The following ARHGEF11 variants were observed in gnomAD, a reference collection of about 807,000 sequenced individuals.
ARHGEF11 encodes the protein Rho guanine exchange factor (GEF) 11.
ARHGEF11 carries 55 observed loss-of-function variants against 193.7 expected under a neutral mutation model. The observed-to-expected ratio is 0.28, with a 90% CI of 0.23 to 0.36. The LOEUF (loss-of-function observed/expected upper bound fraction) is 0.36. ARHGEF11 is among the 10% of genes least tolerant of loss of function. The pLI is 1.00. For synonymous variants in ARHGEF11, 693 were observed against 768.0 expected (o/e 0.90, Z 1.62); for missense variants, 1,723 against 2,005.6 (o/e 0.86, Z 2.69).
At chr1:156,971,551 G>T in intron 8 of ARHGEF11, 146 bp downstream of exon 8, 1 of 1,102,988 alleles carries the variant, frequency 9.1e-7, no homozygotes, top group Non-Finnish European at 1.2e-6. Context: ...GCTGACCTTG[G>T]TTTCTTTGTA....
chr1:157,024,952 C>T (rs1019900053), intron 1 of ARHGEF11, among the ~76,000 whole-genome samples: 13 of 152,304 alleles, frequency 8.5e-5, no homozygotes, highest in Admixed American at 2.6e-4. Flanking sequence ...TATGTCACTC[C>T]TCTGGCACCT....
chr1:157,013,762 T>C (rs556160364), intron 1 of ARHGEF11, among the ~76,000 whole-genome samples: 1 of 152,320 alleles, frequency 6.6e-6, no homozygotes, highest in South Asian at 2.1e-4. Context: ...TTTCCTCTCA[T>C]ACATTTGGTC....
intron 1 of ARHGEF11, among the ~76,000 whole-genome samples, chr1:157,023,982 T>C (rs1670326362): frequency 6.6e-6 from 1 of 152,134 alleles, no homozygotes; most frequent in Non-Finnish European, 1.5e-5. Flanking sequence ...ATAAAACTTA[T>C]ACACAAATGT....
chr1:157,005,695 T>C lies in ARHGEF11; in HGVS notation c.33-19522A>G, dbSNP rs1667739134. ...ATTCTTGTACTGCTACTTAGTCTCTTACAACAAAATCAAAGTGAAAAAGTC... is the reference window on the plus strand; with the variant it reads ...ATTCTTGTACTGCTACTTAGTCTCTCACAACAAAATCAAAGTGAAAAAGTC... On this transcript the variant is annotated intron_variant, in intron 1 of 40. Coordinates refer to ENST00000368194, the MANE Select transcript of ARHGEF11 (RefSeq NM_198236.3). Among the ~76,000 whole-genome samples, 4 of 152,230 alleles carry C rather than the reference T, an allele frequency of 2.6e-5. No individual in the cohort carries two copies. The South Asian group carries it at 8.3e-4, about 31-fold the overall frequency.
chr1:157,034,057 G>A (rs759651429), intron 1 of ARHGEF11, among the ~76,000 whole-genome samples: 22 of 152,162 alleles, frequency 1.4e-4, no homozygotes, highest in Non-Finnish European at 2.6e-4. Flanking sequence ...TCTTATTTGA[G>A]GGATGGCATG....
chr1:156,998,623 T>C (rs1264819114), intron 1 of ARHGEF11, among the ~76,000 whole-genome samples: 1 of 152,238 alleles, frequency 6.6e-6, no homozygotes, highest in Non-Finnish European at 1.5e-5. Flanking sequence ...AAATGGGTGC[T>C]ATTCTTTGCT....
chr1:156,979,950 G>C (rs962981244), intron 4 of ARHGEF11, among the ~76,000 whole-genome samples: 3 of 152,178 alleles, frequency 2.0e-5, no homozygotes, highest in African/African-American at 7.2e-5. Context: ...AGAAGTCTCT[G>C]CATCTAGGAT....
At chr1:157,017,391 C>A (rs541619623) in intron 1 of ARHGEF11, among the ~76,000 whole-genome samples, 2 of 152,058 alleles carry the variant, frequency 1.3e-5, no homozygotes, top group African/African-American at 2.4e-5. Flanking sequence ...ACAGTGGGTA[C>A]TAAATGTTCA....
At chr1:157,045,986 TCCCTG>T (rs1673288483), upstream of ARHGEF11, among the ~76,000 whole-genome samples, 1 of 150,402 alleles carries the variant, frequency 6.6e-6, no homozygotes, top group East Asian at 2.0e-4. Flanking sequence ...TGACCGCCTT[TCCCTG>T]CCTCGGTTCC....
chr1:157,008,010 T>C (rs1557944403), intron 1 of ARHGEF11, among the ~76,000 whole-genome samples: 1 of 151,628 alleles, frequency 6.6e-6, no homozygotes. Context: ...AAAATGCTTA[T>C]TAAATAAAAG....
intron 40 of ARHGEF11, among the ~76,000 whole-genome samples, chr1:156,936,449 T>C (rs1009123982): frequency 8.3e-6 from 1 of 120,944 alleles, no homozygotes; most frequent in Non-Finnish European, 1.6e-5. Context: ...CTGGGCAACA[T>C]AGCCAGGCCA....
chr1:156,959,932 T>C (rs60018636), intron 15 of ARHGEF11, among the ~76,000 whole-genome samples: 9,594 of 70,346 alleles, frequency 0.14, 788 homozygotes, highest in African/African-American at 0.31. Context: ...TAACCCCCCC[T>C]CCCCCCCCCC....
At chr1:156,966,417 T>C (rs899510042) in intron 11 of ARHGEF11, among the ~76,000 whole-genome samples, 11 of 152,236 alleles carry the variant, frequency 7.2e-5, no homozygotes, top group Non-Finnish European at 1.3e-4. Context: ...ATGAATTCTG[T>C]TATTTTCTTT....
Position 156,959,122 on chromosome 1 carries a change from C to T in ARHGEF11, c.1303G>A (p.Glu435Lys), listed in dbSNP as rs578149847. 7 of 1,614,156 alleles carry T rather than the reference C, an allele frequency of 4.3e-6. No individual in the cohort carries two copies. Among genetic ancestry groups the T allele is most frequent in the East Asian group, 4.5e-5 (2 of 44,872 alleles). ...AEIDSRLRNS[E>K]DARGVLCEAQ... ...TCACAGAGAACACCACGGGCATCTT[C>T]GCTGTTCCGCAGGCGCGAGTCTGTA... Residue 435 changes from glutamate to lysine, a missense_variant, in exon 16 of 41, where the codon GAA becomes AAA. By Grantham distance (56) the Glu-to-Lys change is moderately conservative (BLOSUM62 1). Around this residue, in one of 5 missense-constraint regions of ARHGEF11, gnomAD observed 646 missense variants for 710.7 expected, o/e 0.91. Coordinates refer to ENST00000368194, the MANE Select transcript of ARHGEF11 (RefSeq NM_198236.3).
At chr1:156,936,389 T>C in intron 40 of ARHGEF11, 1 of 407,168 alleles carries the variant, frequency 2.5e-6, no homozygotes, top group Non-Finnish European at 4.8e-6. Flanking sequence ...CCCAGCTGCT[T>C]TGGAGGCTGA....
chr1:157,015,768 C>A (rs1257319196), intron 1 of ARHGEF11, among the ~76,000 whole-genome samples: 1 of 152,224 alleles, frequency 6.6e-6, no homozygotes. Flanking sequence ...GATGGAAGGT[C>A]AGCCATGGGA....
At chr1:157,032,764 C>T (rs765699571) in intron 1 of ARHGEF11, among the ~76,000 whole-genome samples, 1 of 152,168 alleles carries the variant, frequency 6.6e-6, no homozygotes, top group East Asian at 1.9e-4. Flanking sequence ...CCAGAAACCA[C>T]GCACGGAGGC....
chr1:156,998,640 C>T (rs959602360), intron 1 of ARHGEF11, among the ~76,000 whole-genome samples: 1 of 152,152 alleles, frequency 6.6e-6, no homozygotes, highest in African/African-American at 2.4e-5. Flanking sequence ...TGCTGAAGCC[C>T]TAAGTCAGAC....
At chr1:156,999,573 C>T (rs1033081926) in intron 1 of ARHGEF11, among the ~76,000 whole-genome samples, 3 of 152,116 alleles carry the variant, frequency 2.0e-5, no homozygotes, top group African/African-American at 7.2e-5. Flanking sequence ...TTCATTTCAA[C>T]TGGAAAAGAA....
Sources: allele counts gnomAD v4.1 joint callset (sites outside exome capture counted in the v4.1 genomes callset), GRCh38; gene constraint gnomAD v4.1.1; regional missense constraint gnomAD v4.1.1; transcripts MANE v1.5; gene names NCBI Gene and HGNC (gene_info 2026-07-23, HGNC 2026-07-21).